Variants in TRAPPC4 observed in about 807,000 individuals in gnomAD.
TRAPPC4 encodes TRS23 homolog.
In TRAPPC4, 30 loss-of-function variants were observed where a neutral mutation model predicts 23.5. That is an observed-to-expected ratio of 1.28 (90% CI 0.96 to 1.73). TRAPPC4 has a LOEUF of 1.73. Among genes scored for constraint, TRAPPC4 ranks in the 40% most tolerant of loss-of-function variants. The probability of loss-of-function intolerance (pLI) is 0.00; values close to 1 mark genes in which losing one functional copy is unlikely to be tolerated. For synonymous variants in TRAPPC4, 129 were observed against 105.3 expected (o/e 1.23, Z -1.38); for missense variants, 252 against 268.9 (o/e 0.94, Z 0.44).
Position 119,019,171 on chromosome 11 carries a change from C to G in TRAPPC4, c.204C>G (p.Gly68=), listed in dbSNP as rs1408545507. ...GTCATGCAGTGCTGGCCATCAATGG[C>G]ATGGACGTGAATGGCAGGTACACGG... ...RVGHAVLAIN[G]MDVNGRYTAD... The change falls in exon 2 of 5, where the codon GGC becomes GGG. Residue 68 remains glycine (G), a synonymous_variant. Coordinates refer to ENST00000533632, the MANE Select transcript of TRAPPC4 (RefSeq NM_016146.6). The G allele has an allele frequency of 6.2e-7, 1 of 1,614,174 alleles. No individual in the cohort carries two copies. Among genetic ancestry groups the G allele is most frequent in the Non-Finnish European group, 8.5e-7 (1 of 1,180,024 alleles).
intron 3 of TRAPPC4, 87 bp from the exon 4 acceptor site, chr11:119,021,673 G>A: frequency 1.4e-6 from 2 of 1,468,458 alleles, no homozygotes; most frequent in Non-Finnish European, 9.3e-7. Context: ...AAAGTGTTTT[G>A]CAAAATTGAA....
chr11:119,020,594 T>C (rs1238327775), intron 3 of TRAPPC4: 1 of 215,720 alleles, frequency 4.6e-6, no homozygotes, highest in African/African-American at 2.4e-5. Context: ...TTAGAGATGG[T>C]GTTTCTCCAT....
Position 119,019,186 on chromosome 11 carries a change from C to T in TRAPPC4, c.219C>T (p.Gly73=), listed in dbSNP as rs782268612. 4 of 1,614,176 alleles carry T rather than the reference C, an allele frequency of 2.5e-6. No individual in the cohort carries two copies. Among genetic ancestry groups the T allele is most frequent in the East Asian group, 2.2e-5 (1 of 44,888 alleles). ...CCATCAATGGCATGGACGTGAATGG[C>T]AGGTACACGGCCGACGGGAAAGAGG... ...VLAINGMDVN[G]RYTADGKEVL... Residue 73 remains glycine (G), a synonymous_variant, in exon 2 of 5, where the codon GGC becomes GGT. Coordinates refer to ENST00000533632, the MANE Select transcript of TRAPPC4 (RefSeq NM_016146.6).
At position 119,020,135 on chromosome 11, in the gene TRAPPC4, C is replaced by T. The variant is rs1200576179; in HGVS notation, c.351-15C>T. The T allele has an allele frequency of 2.5e-6, 4 of 1,604,892 alleles. No individual in the cohort carries two copies. In the African/African-American group the frequency reaches 4.0e-5, roughly 16 times the overall value. On this transcript the variant is annotated splice_polypyrimidine_tract_variant and intron_variant, in intron 2 of 4. Transcript: ENST00000533632. The stretch of plus-strand genomic sequence containing the variant: ...CACTCCTTCCTTAGAGCAACTTTGC[C>T]TCCTTTGCATATAGGCTCTTTGCCA...
Position 119,020,144 on chromosome 11 carries a change from A to C in TRAPPC4, c.351-6A>C, listed in dbSNP as rs201653991. 2 of 1,612,678 alleles carry C rather than the reference A, an allele frequency of 1.2e-6. No homozygotes were observed. Among genetic ancestry groups the C allele is most frequent in the Admixed American group, 1.7e-5 (1 of 59,998 alleles). On this transcript the variant is annotated splice_polypyrimidine_tract_variant and splice_region_variant and intron_variant, in intron 2 of 4. Coordinates refer to ENST00000533632, the MANE Select transcript of TRAPPC4 (RefSeq NM_016146.6). ...CTTAGAGCAACTTTGCCTCCTTTGC[A>C]TATAGGCTCTTTGCCATCGGCTCCC...
intron 4 of TRAPPC4, among the ~76,000 whole-genome samples, chr11:119,022,592 TAAATA>T (rs781900470): frequency 4.0e-5 from 6 of 151,498 alleles, no homozygotes; most frequent in Non-Finnish European, 8.8e-5. Flanking sequence ...TGTCTCTAAA[TAAATA>T]AGACAACAGT....
chr11:119,023,272 G>GA (rs1191868038), intron 4 of TRAPPC4, 49 bp from the exon 5 acceptor site: 1 of 1,583,410 alleles, frequency 6.3e-7, no homozygotes, highest in Admixed American at 1.7e-5. Context: ...TAAGTGGGGA[G>GA]AAAGCCTCAG....
rs1405542589 is a variant in TRAPPC4 at position 119,020,083 on chromosome 11, G to A, written c.351-67G>A. 3.5e-6 allele frequency: 4 copies of A among 1,154,658 alleles called. No individual in the cohort carries two copies. In the African/African-American group the frequency reaches 6.1e-5, roughly 17 times the overall value. The allele number at this position is 1,154,658 out of a possible 1,614,324, so 71.5% of individuals were successfully genotyped here. A position where few individuals can be genotyped will look rare whatever the true frequency, so the allele number is the denominator to read the frequency against. On this transcript the variant is annotated intron_variant, in intron 2 of 4. Transcript: ENST00000533632. ...TGTAATGTGAACTCCTCAGCAAATA[G>A]GGACACTTCAGTGGAAGTTTGAGAA...
chr11:119,020,085 G>T (rs1943306528), intron 2 of TRAPPC4, 65 bp from the exon 3 acceptor site: 1 of 1,182,852 alleles, frequency 8.5e-7, no homozygotes, highest in African/African-American at 1.5e-5. Context: ...AGCAAATAGG[G>T]ACACTTCAGT....
At chr11:119,022,693 C>T (rs1943400953) in intron 4 of TRAPPC4, among the ~76,000 whole-genome samples, 1 of 152,068 alleles carries the variant, frequency 6.6e-6, no homozygotes, top group African/African-American at 2.4e-5. Context: ...AGTTTAAGAC[C>T]AGCCTGGTCA....
rs569 is a variant in TRAPPC4 at position 119,023,577 on chromosome 11, A to G, written c.*178A>G. ...CACTGTGCTCTTTCCTTCTGTATAT[A>G]CCATGGTCTTACTTTCCAACTCTGT... On this transcript the variant is annotated 3_prime_UTR_variant, in exon 5 of 5. Transcript: ENST00000533632. 118,195 of 557,354 alleles carry G rather than the reference A, an allele frequency of 0.21. 13,290 individuals carry two copies. Among genetic ancestry groups the G allele is most frequent in the South Asian group, 0.31 (13,242 of 42,192 alleles). 34.5% of individuals were successfully genotyped at this position (557,354 alleles called of 1,614,324 possible).
chr11:119,019,692 C>T lies in TRAPPC4; in HGVS notation c.350+375C>T, dbSNP rs572465290. 2.5e-3 allele frequency: 531 copies of T among 213,372 alleles called. 3 individuals carry two copies. The highest frequency in any genetic ancestry group is 0.012 in the African/African-American group (504 of 42,828). 13.2% of individuals were successfully genotyped at this position (213,372 alleles called of 1,614,324 possible). On this transcript the variant is annotated intron_variant, in intron 2 of 4. Coordinates refer to ENST00000533632, the MANE Select transcript of TRAPPC4 (RefSeq NM_016146.6). The stretch of plus-strand genomic sequence containing the variant: ...CTGACCTCAGGTGATCCACCTGCCT[C>T]GGCTTCCCAAAGTGCTGGGATTACA...
intron 4 of TRAPPC4, 160 bp from the exon 5 acceptor site, chr11:119,023,161 C>T: frequency 1.6e-6 from 1 of 607,394 alleles, no homozygotes; most frequent in South Asian, 2.1e-5. Flanking sequence ...GACAGGGTTT[C>T]ACCATATTGG....
chr11:119,020,277 AG>A (rs1391844902), intron 3 of TRAPPC4, 24 bp downstream of exon 3: 4 of 1,581,254 alleles, frequency 2.5e-6, no homozygotes, highest in Non-Finnish European at 3.5e-6. Flanking sequence ...CGGAGGCCAG[AG>A]GAGTGTGATG....
At chr11:119,019,353 A>G (rs1481625931) in intron 2 of TRAPPC4, 36 bp downstream of exon 2, 1 of 1,590,778 alleles carries the variant, frequency 6.3e-7, no homozygotes, top group Non-Finnish European at 8.6e-7. Context: ...AGCGCTTGTA[A>G]TTTGTCTACC....
At position 119,019,130 on chromosome 11, in the gene TRAPPC4, T is replaced by C. The variant is rs1289666526; in HGVS notation, c.176-13T>C. 1.2e-6 allele frequency: 2 copies of C among 1,610,804 alleles called. No individual in the cohort carries two copies. The highest frequency in any genetic ancestry group is 1.1e-5 in the South Asian group (1 of 91,004). ...GGCTGCACCTTCGCTGACCGTTAGC[T>C]TCACCTCTGCAGTGGGTCATGCAGT... On this transcript the variant is annotated splice_polypyrimidine_tract_variant and intron_variant, in intron 1 of 4. Coordinates refer to ENST00000533632, the MANE Select transcript of TRAPPC4 (RefSeq NM_016146.6).
rs1943246703 is a variant in TRAPPC4, at chr11:119,018,935, T to G, written c.140T>G (p.Val47Gly). Residue 47 changes from valine to glycine, a missense_variant, in exon 1 of 5, where the codon GTG becomes GGG. Transcript: ENST00000533632. The stretch of plus-strand genomic sequence containing the variant: ...CTGCTCAAGCTACACGATGAGCGTG[T>G]GTTGGTTGCTTTCGGCCAGCGGGAC... ...DLLLKLHDER[V>G]LVAFGQRDGI... 6.2e-7 allele frequency: 1 copy of G among 1,613,340 alleles called. No individual in the cohort carries two copies. Among genetic ancestry groups the G allele is most frequent in the East Asian group, 2.2e-5 (1 of 44,874 alleles).
intron 3 of TRAPPC4, 56 bp downstream of exon 3, chr11:119,020,309 C>CTGATAAG (rs782139473): frequency 3.2e-5 from 47 of 1,448,998 alleles, no homozygotes; most frequent in Admixed American, 3.1e-4. Flanking sequence ...GGAAGAGATA[C>CTGATAAG]TGATAAGTTT....
chr11:119,021,799 G>GAATA lies in TRAPPC4; in HGVS notation c.495_498dup (p.Asp167AsnfsTer10), dbSNP rs782461984. On this transcript the variant is annotated frameshift_variant, in exon 4 of 5. Transcript: ENST00000533632. LOFTEE classifies it high-confidence loss of function. Reference sequence around the variant, plus strand: ...GTTCTAGCAGATCCTAGGCAAGCTGGAATAGATTCTCTTCTCCGAAAGATT... The same window carrying GAATA: ...GTTCTAGCAGATCCTAGGCAAGCTGGAATAAATAGATTCTCTTCTCCGAAAGATT... The GAATA allele has an allele frequency of 1.2e-6, 2 of 1,613,988 alleles. No individual in the cohort carries two copies. Among genetic ancestry groups the GAATA allele is most frequent in the African/African-American group, 2.7e-5 (2 of 74,892 alleles).
Sources: allele counts gnomAD v4.1 joint callset (sites outside exome capture counted in the v4.1 genomes callset), GRCh38; gene constraint gnomAD v4.1.1; transcripts MANE v1.5; gene names NCBI Gene and HGNC (gene_info 2026-07-23, HGNC 2026-07-21).